The following APBB2 variants were observed in gnomAD, a reference collection of about 807,000 sequenced individuals.
The protein encoded by APBB2 is Fe65-like 1.
In APBB2, 38 loss-of-function variants were observed where a neutral mutation model predicts 82.5. The observed-to-expected ratio is 0.46, with a 90% confidence interval of 0.36 to 0.60. The LOEUF is 0.60. Ranked by LOEUF, APBB2 falls within the 20% of genes least tolerant of loss-of-function variation. APBB2 has a pLI of 0.00. For synonymous variants in APBB2, 341 were observed against 368.2 expected (o/e 0.93, Z 0.85); for missense variants, 772 against 972.3 (o/e 0.79, Z 2.74).
chr4:41,081,663 C>T (rs1737669423), intron 3 of APBB2, among the ~76,000 whole-genome samples: 1 of 152,148 alleles, frequency 6.6e-6, no homozygotes, highest in Non-Finnish European at 1.5e-5. Context: ...AGGGGTTTTA[C>T]CTTGTCCAGT....
intron 7 of APBB2, among the ~76,000 whole-genome samples, chr4:40,942,963 C>T (rs184861408): frequency 6.6e-6 from 1 of 152,224 alleles, no homozygotes; most frequent in Non-Finnish European, 1.5e-5. Flanking sequence ...AGTCCACACA[C>T]CCCCGCCTGG....
intron 5 of APBB2, among the ~76,000 whole-genome samples, chr4:41,019,007 A>T (rs1160905657): frequency 6.6e-6 from 1 of 152,210 alleles, no homozygotes; most frequent in East Asian, 1.9e-4. Context: ...TAAGGTTCCC[A>T]TTAGCCACTT....
chr4:40,885,822 C>G (rs527355326), intron 12 of APBB2, among the ~76,000 whole-genome samples: 9 of 152,288 alleles, frequency 5.9e-5, no homozygotes, highest in African/African-American at 7.2e-5. Flanking sequence ...ACGGTCCAGC[C>G]AAGCCTGGGA....
At chr4:41,000,877 CAGAG>C (rs757164207) in intron 6 of APBB2, among the ~76,000 whole-genome samples, 2 of 151,698 alleles carry the variant, frequency 1.3e-5, no homozygotes, top group African/African-American at 2.4e-5. Flanking sequence ...AAAAAGGAGA[CAGAG>C]AGAGAGATAG....
At chr4:41,005,113 A>G (rs1183792800) in intron 6 of APBB2, among the ~76,000 whole-genome samples, 2 of 152,134 alleles carry the variant, frequency 1.3e-5, no homozygotes, top group Non-Finnish European at 2.9e-5. Context: ...TTGTTTTGAC[A>G]TGGAGTCTCA....
At chr4:40,976,486 T>C (rs902090309) in intron 6 of APBB2, among the ~76,000 whole-genome samples, 20 of 152,324 alleles carry the variant, frequency 1.3e-4, no homozygotes, top group African/African-American at 4.1e-4. Context: ...ATTCTAAATC[T>C]TTTAGTTAAG....
intron 10 of APBB2, among the ~76,000 whole-genome samples, chr4:40,907,404 CAG>C (rs1347626290): frequency 1.9e-5 from 2 of 106,500 alleles, no homozygotes; most frequent in Admixed American, 1.1e-4. Context: ...TTTTTTTAGA[CAG>C]AGTCTCACTC....
intron 6 of APBB2, among the ~76,000 whole-genome samples, chr4:40,986,063 T>C (rs572429403): frequency 1.1e-4 from 17 of 152,278 alleles, no homozygotes; most frequent in African/African-American, 4.1e-4. Context: ...ATCACAATTT[T>C]CAAACTTCAA....
intron 12 of APBB2, among the ~76,000 whole-genome samples, chr4:40,862,050 G>C (rs2437357): frequency 0.81 from 123,038 of 152,166 alleles, 50,179 homozygotes; most frequent in African/African-American, 0.84. Context: ...ATTCAACCAG[G>C]ATACCAATAA....
Position 40,821,931 on chromosome 4 carries a change from G to A in APBB2, c.2052C>T (p.His684=), listed in dbSNP as rs374152648. The change falls in exon 17 of 18, where the codon CAC becomes CAT. Residue 684 remains histidine (H), a synonymous_variant. Coordinates refer to ENST00000508593, the MANE Select transcript of APBB2 (RefSeq NM_004307.2). ...CAGCATTAGGCTCGCACCAGAAAAC[G>A]TGGCACTCAAAGCGCTGGTTCCCCG... ...MDTGNQRFEC[H]VFWCEPNAGN... 1.2e-4 allele frequency: 189 copies of A among 1,613,974 alleles called. 2 individuals are homozygous for A. Among genetic ancestry groups the A allele is most frequent in the African/African-American group, 2.0e-4 (15 of 74,886 alleles).
chr4:41,148,686 G>A (rs1016288746), intron 1 of APBB2, among the ~76,000 whole-genome samples: 4 of 152,148 alleles, frequency 2.6e-5, no homozygotes, highest in African/African-American at 7.2e-5. Context: ...GTATTGTGAC[G>A]TTCCCAATAC....
At chr4:41,144,720 T>A (rs1292524170) in intron 1 of APBB2, among the ~76,000 whole-genome samples, 1 of 152,234 alleles carries the variant, frequency 6.6e-6, no homozygotes, top group East Asian at 1.9e-4. Context: ...AAATTCTTTT[T>A]TACTCTGCAA....
At chr4:41,090,241 A>C (rs1429962132) in intron 3 of APBB2, among the ~76,000 whole-genome samples, 1 of 152,220 alleles carries the variant, frequency 6.6e-6, no homozygotes, top group Admixed American at 6.5e-5. Context: ...TTTCTACTTA[A>C]GAAATAAATG....
chr4:41,092,947 G>A (rs558838022), intron 3 of APBB2, among the ~76,000 whole-genome samples: 14 of 152,234 alleles, frequency 9.2e-5, no homozygotes, highest in African/African-American at 2.6e-4. Context: ...GGGATAAAGA[G>A]CTCCCCTGTG....
chr4:41,183,987 C>A (rs941622313), intron 1 of APBB2, among the ~76,000 whole-genome samples: 7 of 151,884 alleles, frequency 4.6e-5, no homozygotes, highest in Admixed American at 6.6e-5. Flanking sequence ...TGTTTTCCTG[C>A]AACTAGATGG....
At chr4:41,128,747 C>G (rs1755135890) in intron 2 of APBB2, among the ~76,000 whole-genome samples, 1 of 152,186 alleles carries the variant, frequency 6.6e-6, no homozygotes, top group South Asian at 2.1e-4. Flanking sequence ...CATCACTTCC[C>G]CTACTGTCCT....
chr4:41,023,838 T>A (rs1166386120), intron 5 of APBB2, among the ~76,000 whole-genome samples: 1 of 152,126 alleles, frequency 6.6e-6, no homozygotes, highest in Non-Finnish European at 1.5e-5. Context: ...ATTTCAAAAT[T>A]CATATGGAAC....
chr4:40,985,417 T>C (rs1314119310), intron 6 of APBB2, among the ~76,000 whole-genome samples: 1 of 152,222 alleles, frequency 6.6e-6, no homozygotes, highest in East Asian at 1.9e-4. Context: ...GGATTATTTA[T>C]TCTTAGTAGA....
intron 12 of APBB2, among the ~76,000 whole-genome samples, chr4:40,837,292 C>T (rs1257169842): frequency 6.6e-6 from 1 of 152,232 alleles, no homozygotes; most frequent in African/African-American, 2.4e-5. Flanking sequence ...GGCTGGTCCA[C>T]TGCAGGCACC....
Sources: allele counts gnomAD v4.1 joint callset (sites outside exome capture counted in the v4.1 genomes callset), GRCh38; gene constraint gnomAD v4.1.1; transcripts MANE v1.5; gene names NCBI Gene and HGNC (gene_info 2026-07-23, HGNC 2026-07-21).